INSC: variants seen among roughly 807,000 people sequenced by gnomAD.
INSC encodes INSC spindle orientation adaptor protein, also known as protein inscuteable homolog.
INSC carries 67 observed loss-of-function variants against 58.6 expected under a neutral mutation model. The observed-to-expected ratio is 1.14, with a 90% confidence interval of 0.94 to 1.40. The LOEUF (loss-of-function observed/expected upper bound fraction) is 1.40, where lower values mean the gene tolerates loss of function less well. Among genes scored for constraint, INSC ranks in the 40% most tolerant of loss-of-function variants. The pLI, the probability that INSC is intolerant of heterozygous loss-of-function variation, is 0.00. For synonymous variants in INSC, 262 were observed against 276.1 expected (o/e 0.95, Z 0.51); for missense variants, 714 against 692.0 (o/e 1.03, Z -0.36).
At chr11:15,239,912 G>A (rs2133978082) in intron 11 of INSC, among the ~76,000 whole-genome samples, 1 of 152,216 alleles carries the variant, frequency 6.6e-6, no homozygotes, top group South Asian at 2.1e-4. Context: ...GTACCCAGAG[G>A]GACAGCCTGG....
intron 7 of INSC, among the ~76,000 whole-genome samples, chr11:15,201,634 C>G (rs1850596065): frequency 6.6e-6 from 1 of 152,194 alleles, no homozygotes; most frequent in Non-Finnish European, 1.5e-5. Flanking sequence ...TGAGTCTGAG[C>G]TTGCGGATAG....
intron 12 of INSC, among the ~76,000 whole-genome samples, chr11:15,245,317 A>G (rs1211529147): frequency 6.6e-6 from 1 of 152,182 alleles, no homozygotes; most frequent in Non-Finnish European, 1.5e-5. Flanking sequence ...AGGAGGGGGT[A>G]TAGCTCAGAG....
chr11:15,180,166 G>T (rs1226379977), intron 5 of INSC, among the ~76,000 whole-genome samples: 1 of 152,154 alleles, frequency 6.6e-6, no homozygotes, highest in Non-Finnish European at 1.5e-5. Flanking sequence ...GCTGAGGCAG[G>T]AGAATGGTGT....
chr11:15,152,516 C>T (rs1260118262), intron 2 of INSC, among the ~76,000 whole-genome samples: 1 of 152,164 alleles, frequency 6.6e-6, no homozygotes, highest in Non-Finnish European at 1.5e-5. Context: ...TAGGATCTTT[C>T]CCCTTTAATC....
chr11:15,146,641 TCCTGAAGGAAAA>T (rs1848499892), intron 1 of INSC, among the ~76,000 whole-genome samples: 1 of 152,170 alleles, frequency 6.6e-6, no homozygotes, highest in Non-Finnish European at 1.5e-5. Flanking sequence ...GCCCAGAGGC[TCCTGAAGGAAAA>T]GAAGTCGATT....
intron 5 of INSC, among the ~76,000 whole-genome samples, chr11:15,189,094 G>A (rs1684547886): frequency 1.3e-5 from 2 of 152,180 alleles, no homozygotes; most frequent in South Asian, 2.1e-4. Context: ...AGCATGTTGT[G>A]CGTGTGTGAG....
intron 1 of INSC, among the ~76,000 whole-genome samples, chr11:15,148,521 A>G (rs1395251733): frequency 6.6e-6 from 1 of 152,230 alleles, no homozygotes; most frequent in Non-Finnish European, 1.5e-5. Flanking sequence ...CAATCCTGTC[A>G]TGGCTCATTG....
At chr11:15,237,509 AGT>A (rs1338049836) in intron 10 of INSC, among the ~76,000 whole-genome samples, 2 of 152,248 alleles carry the variant, frequency 1.3e-5, no homozygotes, top group African/African-American at 4.8e-5. Context: ...AAACAGTGGC[AGT>A]CTCACGGGGT....
intron 7 of INSC, among the ~76,000 whole-genome samples, chr11:15,216,870 G>T (rs10766215): frequency 0.25 from 37,367 of 152,056 alleles, 5,554 homozygotes; most frequent in East Asian, 0.74. Flanking sequence ...GAGCCACCAG[G>T]TGGGGAGGGG....
upstream of INSC, among the ~76,000 whole-genome samples, chr11:15,111,906 A>G (rs575701103): frequency 5.3e-5 from 8 of 152,198 alleles, no homozygotes; most frequent in Non-Finnish European, 1.2e-4. Flanking sequence ...CATGTGTAAA[A>G]TAGGGATAAT....
At chr11:15,247,779 T>G (rs1852607267), downstream of INSC, among the ~76,000 whole-genome samples, 1 of 135,674 alleles carries the variant, frequency 7.4e-6, no homozygotes, top group African/African-American at 2.7e-5. Flanking sequence ...TGCAGATTGT[T>G]CAGATATTGG....
At chr11:15,238,070 G>A (rs563547331) in intron 10 of INSC, among the ~76,000 whole-genome samples, 28 of 152,224 alleles carry the variant, frequency 1.8e-4, no homozygotes, top group African/African-American at 6.5e-4. Flanking sequence ...CACAGAAGAT[G>A]AACTTTTGCT....
rs148707277 is a variant in INSC, at chr11:15,193,861, C to T, written c.693+3047C>T. Among the ~76,000 whole-genome samples, 44 of 152,266 alleles carry T rather than the reference C, an allele frequency of 2.9e-4. No individual in the cohort carries two copies. In the East Asian group the frequency reaches 5.0e-3, roughly 17 times the overall value. On this transcript the variant is annotated intron_variant, in intron 6 of 12. Coordinates refer to ENST00000379556, the MANE Select transcript of INSC (RefSeq NM_001042536.3). ...TTCTAGTTCTAGATCCTTGAGGAAT[C>T]GCCACACTGCTTCTGGAAGGCAATT...
intron 5 of INSC, among the ~76,000 whole-genome samples, chr11:15,184,787 C>G (rs2133847250): frequency 6.6e-6 from 1 of 152,212 alleles, no homozygotes; most frequent in East Asian, 1.9e-4. Flanking sequence ...ACTGTCTTTG[C>G]CAATTAGGTT....
At chr11:15,183,667 T>A (rs1358597549) in intron 5 of INSC, among the ~76,000 whole-genome samples, 3 of 152,170 alleles carry the variant, frequency 2.0e-5, no homozygotes, top group African/African-American at 7.2e-5. Flanking sequence ...TTTTTCACAC[T>A]CATCCCTAGG....
At chr11:15,153,436 TG>T in intron 2 of INSC, among the ~76,000 whole-genome samples, 1 of 152,210 alleles carries the variant, frequency 6.6e-6, no homozygotes, top group Non-Finnish European at 1.5e-5. Flanking sequence ...ATGTAGATAA[TG>T]GCTTGCATAT....
chr11:15,200,192 A>C (rs1589960487), intron 6 of INSC, among the ~76,000 whole-genome samples: 2 of 136,368 alleles, frequency 1.5e-5, no homozygotes, highest in East Asian at 4.8e-4. Context: ...CACACACACA[A>C]ACAGGAGTAA....
At position 15,238,932 on chromosome 11, in the gene INSC, C is replaced by T; in HGVS notation, c.1251C>T (p.Ile417=). Residue 417 remains isoleucine (I), a synonymous_variant, in exon 11 of 13, where the codon ATC becomes ATT. Transcript: ENST00000379556. The part of the protein sequence containing the change: ...DIIQENGVQL[I]MGMLSEKPRS... ...CTTCCTGCCTAGGGGTCCAGCTTAT[C>T]ATGGGCATGCTGTCTGAAAAACCAA... 1 of 1,614,012 alleles carries T rather than the reference C, an allele frequency of 6.2e-7. No individual in the cohort carries two copies. Among genetic ancestry groups the T allele is most frequent in the Admixed American group, 1.7e-5 (1 of 60,018 alleles).
chr11:15,266,104 C>A, the INSC span, among the ~76,000 whole-genome samples: 8 of 151,800 alleles, frequency 5.3e-5, no homozygotes, highest in African/African-American at 1.5e-4. Flanking sequence ...GGATTGAAAT[C>A]TCAAAATGCT....
Sources: allele counts gnomAD v4.1 joint callset (sites outside exome capture counted in the v4.1 genomes callset), GRCh38; gene constraint gnomAD v4.1.1; transcripts MANE v1.5; gene names NCBI Gene and HGNC (gene_info 2026-07-23, HGNC 2026-07-21).